The following LRRC45 variants were observed in gnomAD, a reference collection of about 807,000 sequenced individuals.
LRRC45 encodes the protein leucine-rich repeat-containing protein 45.
LRRC45 carries 73 observed loss-of-function variants against 85.4 expected under a neutral mutation model. The observed-to-expected ratio is 0.85, with a 90% confidence interval of 0.71 to 1.04. The LOEUF (loss-of-function observed/expected upper bound fraction) is 1.04, where lower values mean the gene tolerates loss of function less well. Among genes scored for constraint, LRRC45 ranks in the 50% least tolerant of loss-of-function variants. The pLI, the probability that LRRC45 is intolerant of heterozygous loss-of-function variation, is 0.00. For synonymous variants in LRRC45, 429 were observed against 386.0 expected (o/e 1.11, Z -1.31); for missense variants, 937 against 883.3 (o/e 1.06, Z -0.77).
chr17:82,024,899 C>G, intron 3 of LRRC45, 101 bp from the exon 4 acceptor site: 1 of 1,441,620 alleles, frequency 6.9e-7, no homozygotes. Context: ...TAGGCAGAGG[C>G]TCCGGCCCAT....
chr17:82,028,499 C>A lies in LRRC45; in HGVS notation c.1228C>A (p.Gln410Lys). The change falls in exon 11 of 17, where the codon CAG becomes AAG. Residue 410 changes from glutamine to lysine, a missense_variant. Gln to Lys is a moderately conservative substitution (Grantham distance 53). Transcript: ENST00000306688. The stretch of plus-strand genomic sequence containing the variant: ...AGCTGAGCTGAAGATGCGGGCCATC[C>A]AGGCCGAGGGTGGGCACGGGCAGGC... ...MSAELKMRAI[Q>K]AEERLDMEKR... 6.2e-7 allele frequency: 1 copy of A among 1,612,354 alleles called. No individual in the cohort carries two copies. Among genetic ancestry groups the A allele is most frequent in the Non-Finnish European group, 8.5e-7 (1 of 1,179,818 alleles).
At position 82,024,294 on chromosome 17, in the gene LRRC45, C is replaced by T. The variant is rs2043345358; in HGVS notation, c.237C>T (p.Leu79=). The change falls in exon 2 of 17, where the codon CTC becomes CTT. Residue 79 remains leucine, a synonymous_variant. Coordinates refer to ENST00000306688, the MANE Select transcript of LRRC45 (RefSeq NM_144999.4). ...MLSEEGATLL[L]RGLCANTVLR... ...CTTACACAGGGGCCACACTGCTGCT[C>T]CGAGGCCTGTGTGCCAACACCGTGC... The T allele has an allele frequency of 1.9e-6, 3 of 1,612,338 alleles. No homozygotes were observed. Among genetic ancestry groups the T allele is most frequent in the Non-Finnish European group, 2.5e-6 (3 of 1,179,928 alleles).
intron 5 of LRRC45, among the ~76,000 whole-genome samples, chr17:82,025,920 C>T (rs1297526267): frequency 2.6e-5 from 4 of 152,188 alleles, no homozygotes; most frequent in African/African-American, 9.7e-5. Flanking sequence ...GGCCCCCTGG[C>T]TTGTGCTGGC....
intron 5 of LRRC45, among the ~76,000 whole-genome samples, chr17:82,026,058 G>A (rs980008469): frequency 5.9e-5 from 9 of 152,308 alleles, no homozygotes; most frequent in Non-Finnish European, 1.0e-4. Flanking sequence ...CGCGCACAGC[G>A]GCAGCCTCTT....
chr17:82,026,599 T>TGTGTGTGTGTGTGTGTGTGA (rs1416301920), intron 5 of LRRC45, among the ~76,000 whole-genome samples: 5 of 151,102 alleles, frequency 3.3e-5, no homozygotes, highest in African/African-American at 9.8e-5. Flanking sequence ...TGTGTGTGTG[T>TGTGTGTGTGTGTGTGTGTGA]GACTGAGTTT....
chr17:82,028,970 A>G, intron 12 of LRRC45, 123 bp from the exon 13 acceptor site: 1 of 890,822 alleles, frequency 1.1e-6, no homozygotes, highest in Non-Finnish European at 1.7e-6. Flanking sequence ...CATCTGAGGC[A>G]GTGCTTTCTC....
At chr17:82,029,285 T>C in intron 13 of LRRC45, 100 bp downstream of exon 13, 1 of 1,226,542 alleles carries the variant, frequency 8.2e-7, no homozygotes, top group Non-Finnish European at 1.1e-6. Context: ...GACCTCTTCC[T>C]GTTCCCAGAG....
At chr17:82,025,312 A>AC (rs2043359024) in intron 4 of LRRC45, 67 bp from the exon 5 acceptor site, 1 of 1,527,594 alleles carries the variant, frequency 6.5e-7, no homozygotes, top group African/African-American at 1.4e-5. Flanking sequence ...CTAGGGAAGC[A>AC]CCCCGGCCAG....
chr17:82,027,561 A>G, intron 7 of LRRC45, 113 bp from the exon 8 acceptor site: 1 of 1,541,678 alleles, frequency 6.5e-7, no homozygotes, highest in Non-Finnish European at 8.9e-7. Flanking sequence ...CTGGAGGCTC[A>G]GTGCCCAGGC....
rs1470666774 is a variant in LRRC45 at position 82,029,555 on chromosome 17, G to C, written c.1414G>C (p.Val472Leu). 6.4e-7 allele frequency: 1 copy of C among 1,573,900 alleles called. No individual in the cohort carries two copies. Among genetic ancestry groups the C allele is most frequent in the Non-Finnish European group, 8.6e-7 (1 of 1,161,308 alleles). ...RLSLEEELSRVKAAALSERGQ... is the reference protein window; with the variant it reads ...RLSLEEELSRLKAAALSERGQ... ...GCCATCTGTGCAGGAGCTGAGCCGA[G>C]TGAAAGCAGCGGCACTCAGCGAGCG... The change falls in exon 14 of 17, where the codon GTG (valine) becomes CTG (leucine). Residue 472 changes from valine (V) to leucine (L), a missense_variant. By Grantham distance (32) the Val-to-Leu change is conservative (BLOSUM62 1). Transcript: ENST00000306688.
At chr17:82,029,331 T>C (rs1458667147) in intron 13 of LRRC45, 146 bp downstream of exon 13, 2 of 921,600 alleles carry the variant, frequency 2.2e-6, no homozygotes, top group Non-Finnish European at 3.2e-6. Flanking sequence ...CACCCACCAG[T>C]GTGCCCAAGA....
Position 82,024,289 on chromosome 17 carries a change from C to A in LRRC45, c.232C>A (p.Leu78Met). The A allele has an allele frequency of 6.2e-7, 1 of 1,612,256 alleles. No individual in the cohort carries two copies. The highest frequency in any genetic ancestry group is 1.3e-5 in the African/African-American group (1 of 75,056). The change falls in exon 2 of 17, where the codon CTG becomes ATG. Residue 78 changes from leucine (L) to methionine (M), a missense_variant. By Grantham distance (15) the Leu-to-Met change is conservative. Transcript: ENST00000306688. ...CCCCCCTTACACAGGGGCCACACTG[C>A]TGCTCCGAGGCCTGTGTGCCAACAC... is the stretch of plus-strand genomic sequence containing the variant. ...CMLSEEGATL[L>M]LRGLCANTVL...
intron 5 of LRRC45, among the ~76,000 whole-genome samples, chr17:82,026,562 CTTTGTG>C (rs1217066881): frequency 7.3e-5 from 4 of 54,550 alleles, no homozygotes; most frequent in African/African-American, 3.7e-4. Context: ...GACACAGCTC[CTTTGTG>C]TGTGTGTGTG....
chr17:82,024,820 A>G (rs2043352949), intron 3 of LRRC45, 57 bp downstream of exon 3: 1 of 1,528,642 alleles, frequency 6.5e-7, no homozygotes, highest in Non-Finnish European at 8.8e-7. Flanking sequence ...ATTGGCCCCG[A>G]GCACATGCTT....
In LRRC45 at chr17:82,030,736, C is replaced by G; in HGVS notation, c.1944C>G (p.Ser648Arg). The change falls in exon 17 of 17, where the codon AGC (serine) becomes AGG (arginine). Residue 648 changes from serine to arginine, a missense_variant. Ser to Arg is a moderately radical substitution (Grantham distance 110, BLOSUM62 -1). Coordinates refer to ENST00000306688, the MANE Select transcript of LRRC45 (RefSeq NM_144999.4). The stretch of plus-strand genomic sequence containing the variant: ...GGGACGAGGAGGCCCAGAGGGCGAG[C>G]TTCCTGCAGAACGCCGTCCTGGCTT... Reference protein sequence around the residue: ...RIRDEEAQRASFLQNAVLAYV... With the variant: ...RIRDEEAQRARFLQNAVLAYV... 6.7e-7 allele frequency: 1 copy of G among 1,489,346 alleles called. No homozygotes were observed. Among genetic ancestry groups the G allele is most frequent in the East Asian group, 2.6e-5 (1 of 38,972 alleles). The allele number at this position is 1,489,346 out of a possible 1,614,324, so 92.3% of individuals were successfully genotyped here.
In LRRC45 at chr17:82,025,525, G is replaced by C; in HGVS notation, c.661+18G>C. 1 of 1,544,068 alleles carries C rather than the reference G, an allele frequency of 6.5e-7. No individual in the cohort carries two copies. The highest frequency in any genetic ancestry group is 8.7e-7 in the Non-Finnish European group (1 of 1,144,044). On this transcript the variant is annotated intron_variant, in intron 5 of 16. Transcript: ENST00000306688. ...AGCCGTGGGTACGGTGCAGGGCTGT[G>C]TGGAGTGACGCGTGAGCCTTTGACA...
chr17:82,025,380 C>A lies in LRRC45; in HGVS notation c.534C>A (p.Asp178Glu). 6.3e-7 allele frequency: 1 copy of A among 1,579,386 alleles called. No individual in the cohort carries two copies. Residue 178 changes from aspartate to glutamate, a missense_variant and splice_region_variant, in exon 5 of 17, where the codon GAC (aspartate) becomes GAA (glutamate). Transcript: ENST00000306688. ...TGGTGACTACAGGTTTCCTTCCAGA[C>A]CTGCGCTGGAATAACGTTGGCCTCC... ...LKGNTTLQQL[D>E]LRWNNVGLLG... is the part of the protein sequence containing the mutation.
chr17:82,028,412 C>T lies in LRRC45; in HGVS notation c.1141C>T (p.Arg381Trp), dbSNP rs1428661511. 15 of 1,612,552 alleles carry T rather than the reference C, an allele frequency of 9.3e-6. No homozygotes were observed. The highest frequency in any genetic ancestry group is 4.4e-5 in the South Asian group (4 of 91,038). ...CGGCTTTCAGGTAGACGAGTTGGAGCGGAAGTTCAGGTGTCAGCAGGAGCA... is the reference window on the plus strand; with the variant it reads ...CGGCTTTCAGGTAGACGAGTTGGAGTGGAAGTTCAGGTGTCAGCAGGAGCA... ...LLQNQVDELE[R>W]KFRCQQEQLF... is the part of the protein sequence containing the mutation. The change falls in exon 11 of 17, where the codon CGG (arginine) becomes TGG (tryptophan). Residue 381 changes from arginine to tryptophan, a missense_variant. By Grantham distance (101) the Arg-to-Trp change is moderately radical. Coordinates refer to ENST00000306688, the MANE Select transcript of LRRC45 (RefSeq NM_144999.4).
Position 82,027,001 on chromosome 17 carries a change from A to G in LRRC45, c.764A>G (p.Lys255Arg), listed in dbSNP as rs1485551607. Residue 255 changes from lysine (K) to arginine (R), a missense_variant, in exon 6 of 17, where the codon AAG (lysine) becomes AGG (arginine). Transcript: ENST00000306688. ...SKEVQHLREE[K>R]SKQFLDLMET... ...GAGGTCCAGCACCTCCGGGAGGAGA[A>G]GTCCAAGCAGGTGAGGATGGCGCCT... is the stretch of plus-strand genomic sequence containing the variant. The G allele has an allele frequency of 6.3e-7, 1 of 1,598,378 alleles. No individual in the cohort carries two copies. Among genetic ancestry groups the G allele is most frequent in the East Asian group, 2.3e-5 (1 of 44,436 alleles).
Sources: allele counts gnomAD v4.1 joint callset (sites outside exome capture counted in the v4.1 genomes callset), GRCh38; gene constraint gnomAD v4.1.1; transcripts MANE v1.5; gene names NCBI Gene and HGNC (gene_info 2026-07-23, HGNC 2026-07-21).